FAM117A: variants seen among roughly 807,000 people sequenced by gnomAD.
FAM117A encodes family with sequence similarity 117 member A.
FAM117A carries 21 observed loss-of-function variants against 44.1 expected under a neutral mutation model. The ratio of observed to expected loss-of-function variants is 0.48; its 90% CI spans 0.34 to 0.69. The LOEUF (loss-of-function observed/expected upper bound fraction) is 0.69, where lower values mean the gene tolerates loss of function less well. Among genes scored for constraint, FAM117A ranks in the 30% least tolerant of loss-of-function variants. The probability of loss-of-function intolerance (pLI) is 0.01; values close to 1 mark genes in which losing one functional copy is unlikely to be tolerated. For missense variants in FAM117A, 498 were observed against 589.9 expected, an observed-to-expected ratio of 0.84 and a Z score of 1.61; for synonymous variants, 220 against 238.3, an observed-to-expected ratio of 0.92 and a Z score of 0.71.
intron 2 of FAM117A, among the ~76,000 whole-genome samples, chr17:49,724,867 A>G (rs1168024181): frequency 6.6e-6 from 1 of 151,880 alleles, no homozygotes; most frequent in Non-Finnish European, 1.5e-5. Context: ...AAAAAAAGAA[A>G]AGAAAAAGAA....
At chr17:49,749,347 T>C (rs966751425) in intron 1 of FAM117A, among the ~76,000 whole-genome samples, 9 of 151,782 alleles carry the variant, frequency 5.9e-5, no homozygotes, top group South Asian at 2.1e-4. Context: ...GGAGGCAAGG[T>C]GGGCGGATCA....
chr17:49,771,431 C>G (rs2143796731), intron 1 of FAM117A, among the ~76,000 whole-genome samples: 1 of 151,970 alleles, frequency 6.6e-6, no homozygotes, highest in East Asian at 1.9e-4. Context: ...GTTACTGTGA[C>G]AGACAGAAGA....
intron 7 of FAM117A, among the ~76,000 whole-genome samples, chr17:49,714,960 T>G (rs1235137037): frequency 6.6e-6 from 1 of 152,156 alleles, no homozygotes; most frequent in Non-Finnish European, 1.5e-5. Context: ...ACCACCTCTC[T>G]TAAAGGGTTA....
At chr17:49,771,278 C>T (rs1307889775) in intron 1 of FAM117A, among the ~76,000 whole-genome samples, 5 of 152,016 alleles carry the variant, frequency 3.3e-5, no homozygotes, top group African/African-American at 1.2e-4. Flanking sequence ...TAAATTATAC[C>T]TCAATCAAGC....
intron 1 of FAM117A, among the ~76,000 whole-genome samples, chr17:49,769,167 C>T (rs935896998): frequency 6.6e-6 from 1 of 151,938 alleles, no homozygotes; most frequent in Non-Finnish European, 1.5e-5. Flanking sequence ...TGGTGGCACG[C>T]GCCTGTAGTC....
chr17:49,728,299 G>A (rs1406406823), intron 2 of FAM117A, among the ~76,000 whole-genome samples: 1 of 152,122 alleles, frequency 6.6e-6, no homozygotes, highest in African/African-American at 2.4e-5. Context: ...AAAACAGGGA[G>A]GATAGTACAC....
intron 1 of FAM117A, among the ~76,000 whole-genome samples, chr17:49,742,620 A>G (rs958909810): frequency 3.3e-5 from 5 of 152,206 alleles, no homozygotes; most frequent in African/African-American, 1.2e-4. Context: ...GGCCTTTGCA[A>G]GAATAGCATA....
At chr17:49,744,297 T>C (rs1277426451) in intron 1 of FAM117A, among the ~76,000 whole-genome samples, 1 of 152,300 alleles carries the variant, frequency 6.6e-6, no homozygotes, top group East Asian at 1.9e-4. Context: ...ATTTTTCTTT[T>C]GATTCAGGTT....
At chr17:49,763,816 CGTCCCCCTCCCGCGGTCACG>C in intron 1 of FAM117A, 56 bp downstream of exon 1, 3 of 405,648 alleles carry the variant, frequency 7.4e-6, no homozygotes, top group Non-Finnish European at 1.1e-5. Context: ...CACTTCTCCC[CGTCCCCCTCCCGCGGTCACG>C]CGCCCCCCCT....
At chr17:49,732,305 T>G in intron 2 of FAM117A, 1 of 322,998 alleles carries the variant, frequency 3.1e-6, no homozygotes. Flanking sequence ...CTTGGGAGGA[T>G]GAGGCACGAG....
chr17:49,788,741 T>C (rs886661718), upstream of FAM117A: 63 of 1,397,650 alleles, frequency 4.5e-5, no homozygotes, highest in Admixed American at 1.3e-3. Flanking sequence ...GGATTGGGAC[T>C]GATACAGAGG....
chr17:49,768,671 G>A (rs922574800), upstream of FAM117A, among the ~76,000 whole-genome samples: 2 of 152,262 alleles, frequency 1.3e-5, no homozygotes, highest in South Asian at 4.2e-4. Context: ...AGCAGCCTGA[G>A]AGGGATTGGG....
intron 5 of FAM117A, among the ~76,000 whole-genome samples, chr17:49,718,522 T>A (rs901408120): frequency 2.0e-5 from 3 of 151,612 alleles, no homozygotes; most frequent in African/African-American, 7.3e-5. Context: ...ACAAAAAAAA[T>A]TAGCCAGGCA....
upstream of FAM117A, chr17:49,788,768 C>T (rs898812030): frequency 3.3e-5 from 50 of 1,536,164 alleles, no homozygotes; most frequent in Non-Finnish European, 3.9e-5. Flanking sequence ...CGGAGCCCGC[C>T]GGAGCCACCG....
chr17:49,788,156 G>A (rs2073829873), intron 1 of FAM117A, among the ~76,000 whole-genome samples: 1 of 152,184 alleles, frequency 6.6e-6, no homozygotes, highest in Non-Finnish European at 1.5e-5. Context: ...TACCAGACAG[G>A]AAACTTGATG....
At chr17:49,716,820 T>C (rs1265421326) in intron 6 of FAM117A, among the ~76,000 whole-genome samples, 1 of 152,230 alleles carries the variant, frequency 6.6e-6, no homozygotes, top group African/African-American at 2.4e-5. Context: ...GTACTTTGCC[T>C]AGGTTGCAAA....
intron 1 of FAM117A, among the ~76,000 whole-genome samples, chr17:49,755,587 T>C (rs1489681457): frequency 6.6e-6 from 1 of 152,232 alleles, no homozygotes; most frequent in African/African-American, 2.4e-5. Context: ...GCTATAAGTG[T>C]GTTGGGAAAA....
chr17:49,758,631 AAAAAAT>A (rs1332413980), intron 1 of FAM117A, among the ~76,000 whole-genome samples: 1 of 120,942 alleles, frequency 8.3e-6, no homozygotes, highest in African/African-American at 3.3e-5. Flanking sequence ...CAAAAAAAAA[AAAAAAT>A]AAAATAAATA....
At chr17:49,732,775 G>A in intron 1 of FAM117A, 55 bp from the exon 2 acceptor site, 1 of 1,556,978 alleles carries the variant, frequency 6.4e-7, no homozygotes, top group South Asian at 1.2e-5. Context: ...AAGGAGACGT[G>A]GCAATCACCT....
Sources: gnomAD v4.1 joint callset for allele counts (sites outside exome capture counted in the v4.1 genomes callset) on GRCh38, gnomAD v4.1.1 for gene constraint, MANE v1.5 for transcripts, NCBI Gene and HGNC (gene_info 2026-07-23, HGNC 2026-07-21) for gene names.